NLGN1: variants seen among roughly 807,000 people sequenced by gnomAD.
NLGN1 encodes the protein neuroligin-1.
NLGN1 carries 12 observed loss-of-function variants against 65.5 expected under a neutral mutation model. That is an observed-to-expected ratio of 0.18 (90% CI 0.12 to 0.30). The LOEUF is 0.30. Among genes scored for constraint, NLGN1 ranks in the 10% least tolerant of loss-of-function variants. NLGN1 has a pLI of 1.00. For missense variants in NLGN1, 750 were observed against 1,007.1 expected (o/e 0.74, Z 3.46); for synonymous variants, 350 against 359.5 (o/e 0.97, Z 0.30).
In NLGN1 at chr3:173,805,210, T is replaced by G. The variant is rs887496061; in HGVS notation, c.494-2470T>G. On this transcript the variant is annotated intron_variant, in intron 3 of 6. Transcript: ENST00000457714. The stretch of plus-strand genomic sequence containing the variant: ...TACCTGTTTTAGTAAGTATCATAAT[T>G]ACTTTTGCACCAGCCTAATAATACT... Among the ~76,000 whole-genome samples, 109 of 152,320 alleles carry G rather than the reference T, an allele frequency of 7.2e-4. 1 individual carries two copies. The highest frequency in any genetic ancestry group is 2.5e-3 in the African/African-American group (106 of 41,578).
chr3:174,269,085 T>A (rs1484254557), intron 4 of NLGN1, among the ~76,000 whole-genome samples: 3 of 151,972 alleles, frequency 2.0e-5, no homozygotes, highest in African/African-American at 7.2e-5. Context: ...GCCAGCTATA[T>A]ATGGTGAATA....
intron 2 of NLGN1, among the ~76,000 whole-genome samples, chr3:173,455,514 C>A (rs1000561099): frequency 3.3e-5 from 5 of 151,950 alleles, no homozygotes; most frequent in Admixed American, 6.6e-5. Flanking sequence ...CAATAGTAAT[C>A]AAAACATTTT....
chr3:173,477,606 A>C (rs1726455272), intron 2 of NLGN1, among the ~76,000 whole-genome samples: 1 of 152,194 alleles, frequency 6.6e-6, no homozygotes, highest in African/African-American at 2.4e-5. Context: ...CAAGCACAGA[A>C]AGGGTAGAAA....
intron 2 of NLGN1, among the ~76,000 whole-genome samples, chr3:173,600,177 ATGTACATGTG>A (rs71162351): frequency 0.096 from 14,431 of 150,110 alleles, 798 homozygotes; most frequent in African/African-American, 0.15. Context: ...GGGTATATCT[ATGTACATGTG>A]TGTACATGTG....
At chr3:173,942,149 T>G (rs1400775641) in intron 4 of NLGN1, among the ~76,000 whole-genome samples, 2 of 151,340 alleles carry the variant, frequency 1.3e-5, no homozygotes, top group East Asian at 3.9e-4. Context: ...TGTATGTGTG[T>G]GTGTGTGTAT....
At chr3:174,071,910 G>A (rs1270122206) in intron 4 of NLGN1, among the ~76,000 whole-genome samples, 1 of 152,088 alleles carries the variant, frequency 6.6e-6, no homozygotes, top group Non-Finnish European at 1.5e-5. Context: ...TTATGTCCAA[G>A]TAAGATCTAG....
intron 4 of NLGN1, among the ~76,000 whole-genome samples, chr3:173,853,929 G>A (rs1727454306): frequency 6.6e-6 from 1 of 151,746 alleles, no homozygotes; most frequent in South Asian, 2.1e-4. Flanking sequence ...ATTTGATAGT[G>A]ATCAGTCTTG....
intron 4 of NLGN1, among the ~76,000 whole-genome samples, chr3:173,827,798 G>A (rs1009705201): frequency 3.3e-5 from 5 of 151,860 alleles, no homozygotes; most frequent in Admixed American, 6.6e-5. Context: ...TGAGTCTTAC[G>A]GCCAAGAATT....
At chr3:174,077,362 T>C (rs1429869202) in intron 4 of NLGN1, among the ~76,000 whole-genome samples, 1 of 152,156 alleles carries the variant, frequency 6.6e-6, no homozygotes, top group Non-Finnish European at 1.5e-5. Flanking sequence ...CATTGAAATC[T>C]GTGAAACAGC....
At position 173,744,536 on chromosome 3, in the gene NLGN1, A is replaced by G. The variant is rs111950714; in HGVS notation, c.494-63144A>G. ...TTAGAAGGATTTGAACCTGTCACAA[A>G]GATCTGGAAAGACTTCTGTGAAAAG... On this transcript the variant is annotated intron_variant, in intron 3 of 6. Coordinates refer to ENST00000457714, the Ensembl canonical transcript of NLGN1. Among the ~76,000 whole-genome samples, 1,037 of 152,264 alleles carry G rather than the reference A, an allele frequency of 6.8e-3. 7 individuals carry two copies. Among genetic ancestry groups the G allele is most frequent in the African/African-American group, 0.022 (907 of 41,568 alleles).
At chr3:174,183,773 A>G (rs1730878017) in intron 4 of NLGN1, among the ~76,000 whole-genome samples, 1 of 152,196 alleles carries the variant, frequency 6.6e-6, no homozygotes, top group African/African-American at 2.4e-5. Context: ...AGCAGTAGAC[A>G]AGACAGGAAA....
chr3:173,756,309 T>G lies in NLGN1; in HGVS notation c.494-51371T>G, dbSNP rs1451782318. On this transcript the variant is annotated intron_variant, in intron 3 of 6. Transcript: ENST00000457714. ...AATAGTAAACATCAATATAAATTTA[T>G]TTTATTTTTCTCTTCAAATACATAT... Among the ~76,000 whole-genome samples, 5 of 152,114 alleles carry G rather than the reference T, an allele frequency of 3.3e-5. No homozygotes were observed. In the South Asian group the frequency reaches 1.0e-3, roughly 32 times the overall value.
At chr3:173,912,704 G>A (rs952223958) in intron 4 of NLGN1, 3 of 152,070 alleles carry the variant, frequency 2.0e-5, no homozygotes, top group African/African-American at 7.2e-5. Context: ...TTAAAATTTT[G>A]ATGAAAAAAC....
intron 4 of NLGN1, among the ~76,000 whole-genome samples, chr3:173,843,904 C>T (rs1725272175): frequency 6.6e-6 from 1 of 152,144 alleles, no homozygotes; most frequent in Non-Finnish European, 1.5e-5. Context: ...CTGTATTAGT[C>T]CATTTTCATG....
intron 3 of NLGN1, among the ~76,000 whole-genome samples, chr3:173,803,667 T>G (rs1391612208): frequency 6.6e-6 from 1 of 152,072 alleles, no homozygotes; most frequent in African/African-American, 2.4e-5. Flanking sequence ...TTTTGTAGAT[T>G]TTGAATATTT....
chr3:174,031,411 G>C (rs909083645), intron 4 of NLGN1, among the ~76,000 whole-genome samples: 4 of 152,226 alleles, frequency 2.6e-5, no homozygotes, highest in African/African-American at 9.6e-5. Context: ...GTTTCTGTTT[G>C]TAAGTGTAAA....
chr3:174,030,122 C>CTTTT (rs3979617), intron 4 of NLGN1, among the ~76,000 whole-genome samples: 4 of 118,318 alleles, frequency 3.4e-5, no homozygotes, highest in Non-Finnish European at 5.2e-5. Flanking sequence ...TTTAAGTTAG[C>CTTTT]TTTTTTTTTT....
intron 4 of NLGN1, among the ~76,000 whole-genome samples, chr3:173,979,982 T>C (rs941455818): frequency 4.6e-5 from 7 of 152,154 alleles, no homozygotes; most frequent in African/African-American, 1.7e-4. Context: ...AACAGTAGCA[T>C]GCACTTGCTT....
chr3:173,913,872 A>T (rs1740168165), intron 4 of NLGN1, among the ~76,000 whole-genome samples: 1 of 152,120 alleles, frequency 6.6e-6, no homozygotes, highest in Non-Finnish European at 1.5e-5. Context: ...TAGACTGAAA[A>T]TCCATCTTGT....
Sources: allele counts gnomAD v4.1 joint callset (sites outside exome capture counted in the v4.1 genomes callset), GRCh38; gene constraint gnomAD v4.1.1; transcripts MANE v1.5; gene names NCBI Gene and HGNC (gene_info 2026-07-23, HGNC 2026-07-21).